Variants in SIRT2 observed in about 807,000 individuals in gnomAD.
SIRT2 encodes NAD-dependent protein deacetylase sirtuin-2.
SIRT2 carries 40 observed loss-of-function variants against 57.4 expected under a neutral mutation model. The ratio of observed to expected loss-of-function variants is 0.70; its 90% CI spans 0.54 to 0.91. The LOEUF (loss-of-function observed/expected upper bound fraction) is 0.91. Among genes scored for constraint, SIRT2 ranks in the 40% least tolerant of loss-of-function variants. The pLI, the probability that SIRT2 is intolerant of heterozygous loss-of-function variation, is 0.00. For synonymous variants in SIRT2, 161 were observed against 195.7 expected (o/e 0.82, Z 1.48); for missense variants, 439 against 510.4 (o/e 0.86, Z 1.35).
Position 38,898,416 on chromosome 19 carries a change from G to A in SIRT2, c.26C>T (p.Pro9Leu). 6.4e-7 allele frequency: 1 copy of A among 1,550,998 alleles called. No homozygotes were observed. Residue 9 changes from proline to leucine, a missense_variant, in exon 2 of 16, where the codon CCT (proline) becomes CTT (leucine). Physicochemically the swap from Pro to Leu is moderately conservative, Grantham distance 98. Transcript: ENST00000249396. MAEPDPSHPLETQAGKVQE... is the reference protein window; with the variant it reads MAEPDPSHLLETQAGKVQE... Reference sequence around the variant, plus strand: ...CACCTTCCCTGCCTGGGTCTCCAGAGGGTGAGAGGCTGGGGGAGGGGAGCA... The same window carrying A: ...CACCTTCCCTGCCTGGGTCTCCAGAAGGTGAGAGGCTGGGGGAGGGGAGCA...
rs1369971460 is a variant in SIRT2, at chr19:38,880,829, G to T, written c.816C>A (p.Leu272=). ...CACAGCCCCCAACCTACTTGCTGAT[G>T]AGGGAGGCAAAGGGCTGCACCTGCA... ...TSLQVQPFAS[L]ISKAPLSTPR... is the part of the protein sequence containing the mutation. Residue 272 remains leucine, a synonymous_variant, in exon 12 of 16, where the codon CTC becomes CTA. Transcript: ENST00000249396. The surrounding 1 kb of genome is among the most constrained non-coding windows in gnomAD (Gnocchi z 4.1). 1 of 1,613,894 alleles carries T rather than the reference G, an allele frequency of 6.2e-7. No individual in the cohort carries two copies. Among genetic ancestry groups the T allele is most frequent in the South Asian group, 1.1e-5 (1 of 91,062 alleles).
At chr19:38,892,369 C>T (rs570828417) in intron 4 of SIRT2, among the ~76,000 whole-genome samples, 15 of 150,480 alleles carry the variant, frequency 1.0e-4, no homozygotes, top group African/African-American at 3.7e-4. Context: ...GCACTCCAGC[C>T]TGGGCAACAG....
chr19:38,893,839 G>C lies in SIRT2; in HGVS notation c.92C>G (p.Ala31Gly). Residue 31 changes from alanine to glycine, a missense_variant, in exon 3 of 16, where the codon GCC (alanine) becomes GGC (glycine). Ala to Gly is a moderately conservative substitution (Grantham distance 60). Transcript: ENST00000249396. ...QDSDSDSEGG[A>G]AGGEADMDFL... ...CTCACTGTCTGCTTCTCCACCAGCGGCTCCTCCCTCAGAGTCTGAATCTGA... is the reference window on the plus strand; with the variant it reads ...CTCACTGTCTGCTTCTCCACCAGCGCCTCCTCCCTCAGAGTCTGAATCTGA... 1 of 1,614,178 alleles carries C rather than the reference G, an allele frequency of 6.2e-7. No homozygotes were observed. Among genetic ancestry groups the C allele is most frequent in the Non-Finnish European group, 8.5e-7 (1 of 1,180,014 alleles).
At position 38,878,722 on chromosome 19, in the gene SIRT2, T is replaced by G; in HGVS notation, c.*433A>C. ...GCTCAGACTCCCCCTACGCTGGGTG[T>G]GGGTTATATTCAGAGGCCCACACCC... is the stretch of plus-strand genomic sequence containing the variant. On this transcript the variant is annotated 3_prime_UTR_variant, in exon 16 of 16. Coordinates refer to ENST00000249396, the MANE Select transcript of SIRT2 (RefSeq NM_012237.4). 2 of 156,266 alleles carry G rather than the reference T, an allele frequency of 1.3e-5. No individual in the cohort carries two copies. The highest frequency in any genetic ancestry group is 2.8e-5 in the Non-Finnish European group (2 of 70,822). The allele number at this position is 156,266 out of a possible 1,614,324, so 9.7% of individuals were successfully genotyped here.
rs1230517251 is a variant in SIRT2 at position 38,898,368 on chromosome 19, C to T, written c.63+11G>A. ...TCTCTCTCCTCCCCTCCACCCTTTC[C>T]CCCATCTCACCTGAGCCTCCTGCAC... On this transcript the variant is annotated intron_variant, in intron 2 of 15. Transcript: ENST00000249396. 6.7e-7 allele frequency: 1 copy of T among 1,501,298 alleles called. No individual in the cohort carries two copies. Among genetic ancestry groups the T allele is most frequent in the South Asian group, 1.3e-5 (1 of 74,114 alleles). 93.0% of individuals were successfully genotyped at this position (1,501,298 alleles called of 1,614,324 possible).
In SIRT2 at chr19:38,879,148, G is replaced by C; in HGVS notation, c.*7C>G. 1 of 1,562,884 alleles carries C rather than the reference G, an allele frequency of 6.4e-7. No homozygotes were observed. Among genetic ancestry groups the C allele is most frequent in the African/African-American group, 1.4e-5 (1 of 72,148 alleles). Reference sequence around the variant, plus strand: ...GAGCTCGGCATCCCGCCTGGGAGATGCAGCTGTCACTGGGGTTTCTCCCTC... The same window carrying C: ...GAGCTCGGCATCCCGCCTGGGAGATCCAGCTGTCACTGGGGTTTCTCCCTC... On this transcript the variant is annotated 3_prime_UTR_variant, in exon 16 of 16. Coordinates refer to ENST00000249396, the MANE Select transcript of SIRT2 (RefSeq NM_012237.4).
intron 3 of SIRT2, 133 bp from the exon 4 acceptor site, chr19:38,893,660 C>A (rs983334697): frequency 1.5e-5 from 18 of 1,179,984 alleles, no homozygotes; most frequent in Non-Finnish European, 2.0e-5. Flanking sequence ...GCCCAGCCAG[C>A]GGCCTCCAGG....
chr19:38,890,299 T>C (rs1973493250), intron 4 of SIRT2, among the ~76,000 whole-genome samples, 155 bp from the exon 5 acceptor site: 1 of 152,162 alleles, frequency 6.6e-6, no homozygotes, highest in African/African-American at 2.4e-5. Context: ...TAGACGGGGA[T>C]GGTGTTAACA....
intron 2 of SIRT2, among the ~76,000 whole-genome samples, chr19:38,895,111 T>C (rs1355591450): frequency 4.7e-5 from 7 of 148,566 alleles, no homozygotes; most frequent in Non-Finnish European, 1.0e-4. Flanking sequence ...CTCCAGAGCA[T>C]GTACGCTGAG....
intron 8 of SIRT2, among the ~76,000 whole-genome samples, chr19:38,888,133 T>C (rs1973402724): frequency 6.6e-6 from 1 of 152,202 alleles, no homozygotes; most frequent in African/African-American, 2.4e-5. Context: ...GTCATTTCTA[T>C]ACATATTCAT....
intron 2 of SIRT2, among the ~76,000 whole-genome samples, chr19:38,895,332 C>A (rs1266458535): frequency 1.3e-5 from 2 of 152,188 alleles, no homozygotes; most frequent in Non-Finnish European, 1.5e-5. Context: ...CTGGCTTCTG[C>A]AGTCTTCCCA....
chr19:38,883,800 C>T (rs368528707), intron 8 of SIRT2, 44 bp from the exon 9 acceptor site: 7 of 1,604,920 alleles, frequency 4.4e-6, no homozygotes, highest in African/African-American at 1.3e-5. Flanking sequence ...AGTGAGCCAC[C>T]CCTTGTAGGC....
chr19:38,885,885 G>A (rs1259002617), intron 8 of SIRT2, among the ~76,000 whole-genome samples: 7 of 152,026 alleles, frequency 4.6e-5, no homozygotes, highest in East Asian at 3.9e-4. Flanking sequence ...CACTGCGCCC[G>A]GCCACTGTTT....
chr19:38,881,500 G>A lies in SIRT2; in HGVS notation c.632-9C>T. The stretch of plus-strand genomic sequence containing the variant: ...CTCAGAGAAGATCTTCTCTGGGTAT[G>A]GGGAAGGGGAAGAAAGAGAAGGCAG... On this transcript the variant is annotated splice_polypyrimidine_tract_variant and intron_variant, in intron 9 of 15. Transcript: ENST00000249396. 6.2e-7 allele frequency: 1 copy of A among 1,612,508 alleles called. No homozygotes were observed. Among genetic ancestry groups the A allele is most frequent in the Non-Finnish European group, 8.5e-7 (1 of 1,178,718 alleles).
At position 38,898,437 on chromosome 19, in the gene SIRT2, G is replaced by T; in HGVS notation, c.17-12C>A. ...CAGAGGGTGAGAGGCTGGGGGAGGGGAGCAGAGGTGGTTACAGTGGGGAGA... is the reference window on the plus strand; with the variant it reads ...CAGAGGGTGAGAGGCTGGGGGAGGGTAGCAGAGGTGGTTACAGTGGGGAGA... On this transcript the variant is annotated splice_polypyrimidine_tract_variant and intron_variant, in intron 1 of 15. Transcript: ENST00000249396. 6.6e-7 allele frequency: 1 copy of T among 1,514,318 alleles called. No homozygotes were observed. Among genetic ancestry groups the T allele is most frequent in the South Asian group, 1.3e-5 (1 of 76,742 alleles). The allele number at this position is 1,514,318 out of a possible 1,614,324, so 93.8% of individuals were successfully genotyped here.
intron 8 of SIRT2, 63 bp downstream of exon 8, chr19:38,889,021 TCTG>T: frequency 6.8e-7 from 1 of 1,474,744 alleles, no homozygotes; most frequent in Non-Finnish European, 9.4e-7. Context: ...GCTCTGCTCC[TCTG>T]CTGAGGACAC....
chr19:38,884,452 G>GT (rs1568398270), intron 8 of SIRT2, among the ~76,000 whole-genome samples: 4 of 151,684 alleles, frequency 2.6e-5, no homozygotes, highest in African/African-American at 9.7e-5. Context: ...TTGTTTGTTT[G>GT]TTTGTTTGTT....
chr19:38,897,716 G>A (rs536672627), intron 2 of SIRT2, among the ~76,000 whole-genome samples: 2 of 152,156 alleles, frequency 1.3e-5, no homozygotes, highest in South Asian at 4.2e-4. Context: ...GTAGAGGTGG[G>A]GGCCTCCCTA....
At chr19:38,893,654 A>G in intron 3 of SIRT2, 127 bp from the exon 4 acceptor site, 1 of 1,179,958 alleles carries the variant, frequency 8.5e-7, no homozygotes, top group Non-Finnish European at 1.2e-6. Context: ...GGCCCGGCCC[A>G]GCCAGCGGCC....
Sources: allele counts gnomAD v4.1 joint callset (sites outside exome capture counted in the v4.1 genomes callset), GRCh38; gene constraint gnomAD v4.1.1; non-coding constraint Gnocchi (gnomAD v3.1); transcripts MANE v1.5; gene names NCBI Gene and HGNC (gene_info 2026-07-23, HGNC 2026-07-21).